ALPK3: variants seen among roughly 807,000 people sequenced by gnomAD.
ALPK3 encodes alpha kinase 3, also known as alpha-protein kinase 3.
In ALPK3, 102 loss-of-function variants were observed where a neutral mutation model predicts 140.0. The observed-to-expected ratio is 0.73, with a 90% CI of 0.62 to 0.86. The LOEUF (loss-of-function observed/expected upper bound fraction) is 0.86, where lower values mean the gene tolerates loss of function less well. Ranked by LOEUF, ALPK3 falls within the 40% of genes least tolerant of loss-of-function variation. The pLI is 0.00. For missense variants in ALPK3, 2,254 were observed against 2,208.2 expected (o/e 1.02, Z -0.42); for synonymous variants, 938 against 898.5 (o/e 1.04, Z -0.79).
At chr15:84,851,693 T>C (rs1963804182) in intron 5 of ALPK3, among the ~76,000 whole-genome samples, 1 of 152,154 alleles carries the variant, frequency 6.6e-6, no homozygotes. Context: ...TTACCTTGCT[T>C]TTTTATTTGG....
chr15:84,825,310 G>A (rs1016127002), intron 2 of ALPK3, among the ~76,000 whole-genome samples: 1 of 151,942 alleles, frequency 6.6e-6, no homozygotes, highest in Non-Finnish European at 1.5e-5. Flanking sequence ...CCGAGTAGCT[G>A]GGACTACAGG....
At position 84,868,359 on chromosome 15, in the gene ALPK3, C is replaced by T. The variant is rs1323812612; in HGVS notation, c.5021C>T (p.Ser1674Phe). ...PQGTRKSAPSSKATPQASEPV... is the reference protein window; with the variant it reads ...PQGTRKSAPSFKATPQASEPV... ...GGCACCCGGAAGAGTGCTCCAAGTT[C>T]CAAGGCCACCCCTCAGGCCTCAGAG... is the stretch of plus-strand genomic sequence containing the variant. Residue 1674 changes from serine (S) to phenylalanine (F), a missense_variant, in exon 14 of 14, where the codon TCC becomes TTC. Around this residue, in one of 3 missense-constraint regions of ALPK3, gnomAD observed 158 missense variants for 159.8 expected, o/e 0.99. Transcript: ENST00000258888. 2 of 1,614,070 alleles carry T rather than the reference C, an allele frequency of 1.2e-6. No homozygotes were observed.
chr15:84,823,895 G>C (rs368383326), intron 2 of ALPK3, among the ~76,000 whole-genome samples: 3 of 152,066 alleles, frequency 2.0e-5, no homozygotes, highest in East Asian at 1.9e-4. Context: ...AAATTTTCTT[G>C]TAGAGACAGA....
intron 3 of ALPK3, among the ~76,000 whole-genome samples, chr15:84,828,517 G>A (rs973591960): frequency 6.6e-6 from 1 of 152,168 alleles, no homozygotes; most frequent in African/African-American, 2.4e-5. Context: ...AGAGCCTGTT[G>A]TTTCTGTAAG....
At position 84,873,116 on chromosome 15, in the gene ALPK3, C is replaced by A. The variant is rs1290372229; in HGVS notation, c.*4660C>A. On this transcript the variant is annotated 3_prime_UTR_variant, in exon 14 of 14. Transcript: ENST00000258888. ...GAGATCAGGGAGCCCACGTTCACAG[C>A]AGCTCTTTCAAGCAGCCTCCCAGGC... 2.0e-5 allele frequency: 3 copies of A among 152,176 alleles called. No homozygotes were observed. Among genetic ancestry groups the A allele is most frequent in the African/African-American group, 7.2e-5 (3 of 41,442 alleles). 9.4% of individuals were successfully genotyped at this position (152,176 alleles called of 1,614,324 possible). A position where few individuals can be genotyped will look rare whatever the true frequency, so the allele number is the denominator to read the frequency against.
At chr15:84,867,386 G>A in intron 13 of ALPK3, 21 bp downstream of exon 13, 2 of 1,613,648 alleles carry the variant, frequency 1.2e-6, no homozygotes, top group Non-Finnish European at 1.7e-6. Context: ...CTTGGGGACA[G>A]AATGCCCTCT....
In ALPK3 at chr15:84,867,318, G is replaced by C; in HGVS notation, c.4725G>C (p.Gly1575=). 6.2e-7 allele frequency: 1 copy of C among 1,613,902 alleles called. No individual in the cohort carries two copies. The highest frequency in any genetic ancestry group is 1.1e-5 in the South Asian group (1 of 91,074). Residue 1575 remains glycine (G), a splice_region_variant and synonymous_variant, in exon 13 of 14, where the codon GGG becomes GGC. Coordinates refer to ENST00000258888, the MANE Select transcript of ALPK3 (RefSeq NM_020778.5). Reference sequence around the variant, plus strand: ...ACTCCCAACTTTCTCTCTTTTCAGGGGTTGACTGGAAGATGACTGATGTGC... The same window carrying C: ...ACTCCCAACTTTCTCTCTTTTCAGGCGTTGACTGGAAGATGACTGATGTGC... ...NGSFLVTDLA[G]VDWKMTDVQI...
chr15:84,852,091 T>C (rs1033211454), intron 5 of ALPK3, among the ~76,000 whole-genome samples: 3 of 152,168 alleles, frequency 2.0e-5, no homozygotes, highest in Non-Finnish European at 4.4e-5. Flanking sequence ...GTCCTATACA[T>C]ACACACCTAT....
intron 5 of ALPK3, among the ~76,000 whole-genome samples, chr15:84,847,582 C>A (rs1021062060): frequency 2.6e-5 from 4 of 151,906 alleles, no homozygotes; most frequent in Non-Finnish European, 5.9e-5. Flanking sequence ...CTATAGATTT[C>A]TCATCAGAAA....
chr15:84,855,300 C>T (rs1051697314), intron 5 of ALPK3, among the ~76,000 whole-genome samples: 2 of 152,214 alleles, frequency 1.3e-5, no homozygotes, highest in African/African-American at 4.8e-5. Context: ...GCTCCACTCT[C>T]CTCCCGCTGA....
At chr15:84,839,259 T>A (rs1488251057) in intron 4 of ALPK3, among the ~76,000 whole-genome samples, 162 bp downstream of exon 4, 3 of 152,226 alleles carry the variant, frequency 2.0e-5, no homozygotes. Context: ...GTGAACCACA[T>A]CTGCCTTCCG....
At chr15:84,863,531 A>C (rs1282867058) in intron 10 of ALPK3, 21 bp from the exon 11 acceptor site, 2 of 1,610,950 alleles carry the variant, frequency 1.2e-6, no homozygotes, top group East Asian at 4.5e-5. Flanking sequence ...TGCTCACCAC[A>C]TTTGGTTCCC....
chr15:84,866,932 A>C (rs1334893145), intron 12 of ALPK3, among the ~76,000 whole-genome samples: 1 of 152,192 alleles, frequency 6.6e-6, no homozygotes, highest in Non-Finnish European at 1.5e-5. Context: ...GGAATCCAAA[A>C]AAACGGAACC....
At chr15:84,839,131 C>T (rs1010268470) in intron 4 of ALPK3, 34 bp downstream of exon 4, 1 of 1,553,224 alleles carries the variant, frequency 6.4e-7, no homozygotes, top group Non-Finnish European at 8.8e-7. Context: ...CTCTCTCTGC[C>T]CTCCCGAGGG....
At chr15:84,859,754 G>A (rs368219019) in intron 7 of ALPK3, 22 bp from the exon 8 acceptor site, 9 of 1,604,084 alleles carry the variant, frequency 5.6e-6, no homozygotes, top group Non-Finnish European at 7.6e-6. Context: ...TGGCCCTCAC[G>A]AGTAGGGTCT....
In ALPK3 at chr15:84,829,667, C is replaced by T. The variant is rs1596146908; in HGVS notation, c.304+2062C>T. On this transcript the variant is annotated intron_variant, in intron 3 of 13. Transcript: ENST00000258888. ...TATACATCGTGAGTATCTGGGACTA[C>T]AGGCGCGTGCCACCACACCCATGCT... is the stretch of plus-strand genomic sequence containing the variant. 3.3e-5 allele frequency among the ~76,000 whole-genome samples: 5 copies of T among 152,350 alleles called. 1 individual carries two copies. The South Asian group carries it at 1.0e-3, about 32-fold the overall frequency.
At position 84,862,750 on chromosome 15, in the gene ALPK3, A is replaced by G; in HGVS notation, c.4245A>G (p.Gly1415=). 1 of 1,614,144 alleles carries G rather than the reference A, an allele frequency of 6.2e-7. No homozygotes were observed. The highest frequency in any genetic ancestry group is 8.5e-7 in the Non-Finnish European group (1 of 1,180,020). ...RLVSEELRGG[G]YGCGLRKASQ... Reference sequence around the variant, plus strand: ...TAAGCGAGGAGCTCCGAGGGGGTGGATATGGGTGTGGCCTTCGGAAGGCCT... The same window carrying G: ...TAAGCGAGGAGCTCCGAGGGGGTGGGTATGGGTGTGGCCTTCGGAAGGCCT... The change falls in exon 10 of 14, where the codon GGA becomes GGG. Residue 1415 remains glycine (G), a synonymous_variant. Transcript: ENST00000258888.
chr15:84,845,478 G>T (rs1271614385), intron 5 of ALPK3, among the ~76,000 whole-genome samples: 1 of 151,998 alleles, frequency 6.6e-6, no homozygotes, highest in Non-Finnish European at 1.5e-5. Context: ...CAGCTATTTG[G>T]CCAGAAGACT....
At chr15:84,847,208 GGAGAGAGAGAGAGAGAGAGAGA>G (rs55944419) in intron 5 of ALPK3, among the ~76,000 whole-genome samples, 1 of 116,576 alleles carries the variant, frequency 8.6e-6, no homozygotes, top group Non-Finnish European at 1.7e-5. Flanking sequence ...GGAGAAACGG[GGAGAGAGAGAGAGAGAGAGAGA>G]GAGAGAGAGA....
Sources: allele counts gnomAD v4.1 joint callset (sites outside exome capture counted in the v4.1 genomes callset), GRCh38; gene constraint gnomAD v4.1.1; regional missense constraint gnomAD v4.1.1; transcripts MANE v1.5; gene names NCBI Gene and HGNC (gene_info 2026-07-23, HGNC 2026-07-21).